CXCL12: variants seen among roughly 807,000 people sequenced by gnomAD.
CXCL12 encodes the protein C-X-C motif chemokine ligand 12, also known as stromal cell-derived factor 1.
A neutral mutation model predicts 10.7 loss-of-function variants in CXCL12; 4 were observed. The ratio of observed to expected loss-of-function variants is 0.37; its 90% CI spans 0.18 to 0.86. CXCL12 has a LOEUF of 0.86. CXCL12 is among the 40% of genes least tolerant of loss of function. CXCL12 has a pLI of 0.43. For synonymous variants in CXCL12, 54 were observed against 45.4 expected, an observed-to-expected ratio of 1.19 and a Z score of -0.77; for missense variants, 122 against 110.4, an observed-to-expected ratio of 1.10 and a Z score of -0.47.
downstream of CXCL12, chr10:44,371,311 T>A: frequency 2.2e-6 from 1 of 455,654 alleles, no homozygotes. Context: ...GTTTGTTTCC[T>A]CAACCAAGAA....
downstream of CXCL12, chr10:44,376,100 G>T (rs2297630): frequency 3.2e-6 from 5 of 1,562,546 alleles, no homozygotes; most frequent in South Asian, 4.6e-5. Context: ...GTCTGCATAA[G>T]ATTTAACACT....
At chr10:44,376,121 C>T (rs1839443191), downstream of CXCL12, 3 of 1,403,182 alleles carry the variant, frequency 2.1e-6, no homozygotes, top group Non-Finnish European at 3.0e-6. Flanking sequence ...GGCCCGTGTA[C>T]TGGTTAAACT....
Position 44,377,997 on chromosome 10 carries a change from T to G in CXCL12, c.*636A>C, listed in dbSNP as rs1342216227. On this transcript the variant is annotated 3_prime_UTR_variant, in exon 3 of 3. Transcript: ENST00000343575. Reference sequence around the variant, plus strand: ...CTGGGAGAGGGGTCTCTGAGCACAGTCCCAGTAATAGTGGCTTCTACATGG... The same window carrying G: ...CTGGGAGAGGGGTCTCTGAGCACAGGCCCAGTAATAGTGGCTTCTACATGG... The G allele has an allele frequency of 4.0e-6, 6 of 1,507,244 alleles. No homozygotes were observed. Among genetic ancestry groups the G allele is most frequent in the South Asian group, 1.3e-5 (1 of 79,130 alleles). 93.4% of individuals were successfully genotyped at this position (1,507,244 alleles called of 1,614,324 possible). A position where few individuals can be genotyped will look rare whatever the true frequency, so the allele number is the denominator to read the frequency against.
chr10:44,382,986 CAGG>C (rs1388315307), intron 1 of CXCL12, among the ~76,000 whole-genome samples: 3 of 152,156 alleles, frequency 2.0e-5, no homozygotes, highest in Admixed American at 6.5e-5. Context: ...AGCTTGGCTC[CAGG>C]AGTTTTCAGA....
chr10:44,371,296 G>C (rs1793791426), downstream of CXCL12: 1 of 435,110 alleles, frequency 2.3e-6, no homozygotes, highest in African/African-American at 2.0e-5. Context: ...AAGATTTAGG[G>C]TCATGTTTGT....
Position 44,385,027 on chromosome 10 carries a change from G to A in CXCL12, c.-22C>T, listed in dbSNP as rs1308934820. ...TCATGGCGCGGGCGGGCGGGCGGGC[G>A]GGCGGACGAGCGCGGGTCGGGGGCC... On this transcript the variant is annotated 5_prime_UTR_variant, in exon 1 of 3. Transcript: ENST00000343575. 1.2e-5 allele frequency: 17 copies of A among 1,434,508 alleles called. No individual in the cohort carries two copies. The highest frequency in any genetic ancestry group is 4.8e-4 in the Middle Eastern group (2 of 4,142). The allele number at this position is 1,434,508 out of a possible 1,614,324, so 88.9% of individuals were successfully genotyped here. A position where few individuals can be genotyped will look rare whatever the true frequency, so the allele number is the denominator to read the frequency against.
At chr10:44,375,135 C>T (rs1839418769), downstream of CXCL12, among the ~76,000 whole-genome samples, 1 of 152,186 alleles carries the variant, frequency 6.6e-6, no homozygotes, top group Non-Finnish European at 1.5e-5. Context: ...TGCAAAGTTC[C>T]ATAGCACATC....
downstream of CXCL12, chr10:44,372,724 T>G (rs1266411487): frequency 5.6e-6 from 8 of 1,427,896 alleles, no homozygotes; most frequent in Non-Finnish European, 7.3e-6. Context: ...GTGCTCGGGA[T>G]GAGGGCTGGG....
At chr10:44,370,528 A>G (rs1065297) in exon 4 of CXCL12, 8,140 of 152,268 alleles carry the variant, frequency 0.053, 286 homozygotes, top group African/African-American at 0.1. Context: ...CTTCAGAATG[A>G]GTCAGGGAAG....
chr10:44,372,981 C>T, downstream of CXCL12: 1 of 1,536,038 alleles, frequency 6.5e-7, no homozygotes, highest in Middle Eastern at 1.7e-4. Flanking sequence ...CAGGCTCCCT[C>T]AGCCCAGTCT....
chr10:44,375,999 T>G, downstream of CXCL12: 1 of 1,613,978 alleles, frequency 6.2e-7, no homozygotes, highest in Non-Finnish European at 8.5e-7. Context: ...TTCCTATCTT[T>G]TCTTTTTTCC....
chr10:44,383,940 G>C (rs1303380491), intron 1 of CXCL12, among the ~76,000 whole-genome samples: 1 of 152,246 alleles, frequency 6.6e-6, no homozygotes, highest in Non-Finnish European at 1.5e-5. Context: ...TCAGCGGCCT[G>C]AGCCACAGGG....
At position 44,377,941 on chromosome 10, in the gene CXCL12, G is replaced by A. The variant is rs946701192; in HGVS notation, c.*692C>T. ...GAGAAGCAGAAGCAAGATTAAGCATGCTCTCGGAGTCGGGGAGAGAGTAGG... is the reference window on the plus strand; with the variant it reads ...GAGAAGCAGAAGCAAGATTAAGCATACTCTCGGAGTCGGGGAGAGAGTAGG... On this transcript the variant is annotated 3_prime_UTR_variant, in exon 3 of 3. Transcript: ENST00000343575. The A allele has an allele frequency of 9.1e-6, 14 of 1,535,680 alleles. No individual in the cohort carries two copies. Among genetic ancestry groups the A allele is most frequent in the Non-Finnish European group, 1.2e-5 (14 of 1,149,150 alleles).
Position 44,378,020 on chromosome 10 carries a change from T to C in CXCL12, c.*613A>G, listed in dbSNP as rs144002034. The C allele has an allele frequency of 2.4e-3, 3,566 of 1,496,308 alleles. 63 individuals carry two copies. In the Admixed American group the frequency reaches 0.03, roughly 13 times the overall value. 92.7% of individuals were successfully genotyped at this position (1,496,308 alleles called of 1,614,324 possible). On this transcript the variant is annotated 3_prime_UTR_variant, in exon 3 of 3. Transcript: ENST00000343575. ...AGTCCCAGTAATAGTGGCTTCTACA[T>C]GGAGCCCACAGAGCCAATCACTGAG...
At chr10:44,371,245 A>G (rs1317646545), downstream of CXCL12, 1 of 300,020 alleles carries the variant, frequency 3.3e-6, no homozygotes, top group East Asian at 1.2e-4. Flanking sequence ...ATTTTCTCCC[A>G]TGGAGGAGAA....
At chr10:44,384,182 T>C (rs1215619259) in intron 1 of CXCL12, among the ~76,000 whole-genome samples, 2 of 152,026 alleles carry the variant, frequency 1.3e-5, no homozygotes, top group East Asian at 3.9e-4. Flanking sequence ...TGCAGGTGTG[T>C]TTGGGGAGCT....
chr10:44,370,969 A>T (rs186339497), downstream of CXCL12: 220 of 163,408 alleles, frequency 1.3e-3, 1 homozygote, highest in Non-Finnish European at 1.9e-3. Flanking sequence ...TGAAGAGGTT[A>T]CAGGGAGCCC....
At chr10:44,376,908 C>T (rs548913282), downstream of CXCL12, among the ~76,000 whole-genome samples, 71 of 129,104 alleles carry the variant, frequency 5.5e-4, no homozygotes, top group Middle Eastern at 7.3e-3. Flanking sequence ...CTATTTCAAT[C>T]GGGTTAAAAA....
At position 44,384,952 on chromosome 10, in the gene CXCL12, G is replaced by A. The variant is rs770142522; in HGVS notation, c.54C>T (p.Leu18=). ...CCCGCCGAGCGCACTTACCGTCGCTGAGGCAGAGCGCGGTCAGCACGAGGA... is the reference window on the plus strand; with the variant it reads ...CCCGCCGAGCGCACTTACCGTCGCTAAGGCAGAGCGCGGTCAGCACGAGGA... ...VLVLVLTALC[L]SDGKPVSLSY... is the part of the protein sequence containing the mutation. The change falls in exon 1 of 3, where the codon CTC becomes CTT. Residue 18 remains leucine (L), a synonymous_variant. Coordinates refer to ENST00000343575, the MANE Select transcript of CXCL12 (RefSeq NM_199168.4). 4 of 1,558,612 alleles carry A rather than the reference G, an allele frequency of 2.6e-6. No homozygotes were observed. The highest frequency in any genetic ancestry group is 3.4e-6 in the Non-Finnish European group (4 of 1,162,760).
Sources: allele counts gnomAD v4.1 joint callset (sites outside exome capture counted in the v4.1 genomes callset), GRCh38; gene constraint gnomAD v4.1.1; transcripts MANE v1.5; gene names NCBI Gene and HGNC (gene_info 2026-07-23, HGNC 2026-07-21).